Variants in NCKAP5 observed in about 807,000 individuals in gnomAD.
NCKAP5 encodes nck-associated protein 5.
Under a neutral mutation model 167.0 loss-of-function variants are expected in NCKAP5, and 92 were observed. The observed-to-expected ratio is 0.55, with a 90% CI of 0.47 to 0.66. The LOEUF is 0.66. Among genes scored for constraint, NCKAP5 ranks in the 30% least tolerant of loss-of-function variants. NCKAP5 has a pLI of 0.00. For missense variants in NCKAP5, 2,378 were observed against 2,315.0 expected (o/e 1.03, Z -0.56); for synonymous variants, 891 against 877.4 (o/e 1.02, Z -0.27).
At chr2:132,798,961 A>G (rs1208944103) in intron 11 of NCKAP5, among the ~76,000 whole-genome samples, 1 of 152,192 alleles carries the variant, frequency 6.6e-6, no homozygotes, top group Non-Finnish European at 1.5e-5. Flanking sequence ...ACACATGTTC[A>G]TTGCCAGGCT....
intron 3 of NCKAP5, among the ~76,000 whole-genome samples, chr2:133,495,782 T>TA (rs1388368786): frequency 6.6e-6 from 1 of 152,168 alleles, no homozygotes; most frequent in Non-Finnish European, 1.5e-5. Context: ...TGGGTAGAAT[T>TA]ACCAGCTGAA....
At chr2:133,135,008 C>T (rs1245323886) in intron 5 of NCKAP5, among the ~76,000 whole-genome samples, 1 of 150,084 alleles carries the variant, frequency 6.7e-6, no homozygotes, top group Non-Finnish European at 1.5e-5. Context: ...ATGTGCCAAA[C>T]ACTGAACTAG....
chr2:133,498,480 A>AAGGAAAGGC (rs1310524686), intron 3 of NCKAP5, among the ~76,000 whole-genome samples: 5 of 101,752 alleles, frequency 4.9e-5, no homozygotes, highest in African/African-American at 2.5e-4. Flanking sequence ...GGAAGGAAGG[A>AAGGAAAGGC]AGGCAGGCAG....
chr2:133,203,605 TA>T (rs2085806106), intron 5 of NCKAP5, among the ~76,000 whole-genome samples: 1 of 152,238 alleles, frequency 6.6e-6, no homozygotes, highest in South Asian at 2.1e-4. Context: ...CAAACCAGTA[TA>T]AAATCTCCAT....
intron 3 of NCKAP5, among the ~76,000 whole-genome samples, chr2:133,420,350 A>C (rs530714730): frequency 9.8e-5 from 15 of 152,366 alleles, no homozygotes; most frequent in African/African-American, 3.6e-4. Flanking sequence ...GAAAGAAACG[A>C]GTTGCAAGCC....
chr2:133,599,072 AG>A, the NCKAP5 span, among the ~76,000 whole-genome samples: 1 of 152,222 alleles, frequency 6.6e-6, no homozygotes. Context: ...ACTCTTTATA[AG>A]AACCAGTCAG....
intron 3 of NCKAP5, among the ~76,000 whole-genome samples, chr2:133,354,513 C>T (rs906599482): frequency 6.6e-6 from 1 of 152,088 alleles, no homozygotes; most frequent in Non-Finnish European, 1.5e-5. Context: ...TCAGGCTTGG[C>T]CTGGGGGATT....
intron 1 of NCKAP5, among the ~76,000 whole-genome samples, chr2:133,567,836 T>C (rs1035603554): frequency 2.0e-5 from 3 of 152,180 alleles, no homozygotes; most frequent in African/African-American, 7.2e-5. Flanking sequence ...CATGAAAAAG[T>C]AGCCTTCATA....
At position 133,053,508 on chromosome 2, in the gene NCKAP5, C is replaced by T. The variant is rs577037867; in HGVS notation, c.342-59269G>A. Among the ~76,000 whole-genome samples, 11 of 152,304 alleles carry T rather than the reference C, an allele frequency of 7.2e-5. No individual in the cohort carries two copies. In the East Asian group the frequency reaches 1.9e-3, roughly 27 times the overall value. On this transcript the variant is annotated intron_variant, in intron 6 of 19. Transcript: ENST00000409261. ...TGCTTCCTTCTGAAATATAGCTTGGCTAAAGAAATGCAATTTTAATTGTAT... is the reference window on the plus strand; with the variant it reads ...TGCTTCCTTCTGAAATATAGCTTGGTTAAAGAAATGCAATTTTAATTGTAT...
chr2:132,739,074 T>C (rs1399064863), intron 16 of NCKAP5, among the ~76,000 whole-genome samples: 1 of 152,216 alleles, frequency 6.6e-6, no homozygotes, highest in Non-Finnish European at 1.5e-5. Context: ...TCTTTATAAA[T>C]AGCTGCAAAG....
rs778049835 is a variant in NCKAP5, at chr2:132,785,460, G to A, written c.1351C>T (p.Pro451Ser). The A allele has an allele frequency of 1.9e-6, 3 of 1,613,636 alleles. No individual in the cohort carries two copies. Among genetic ancestry groups the A allele is most frequent in the African/African-American group, 2.7e-5 (2 of 75,018 alleles). The change falls in exon 14 of 20, where the codon CCC (proline) becomes TCC (serine). Residue 451 changes from proline (P) to serine (S), a missense_variant. Around this residue, in one of 3 missense-constraint regions of NCKAP5, gnomAD observed 1,049 missense variants for 1,023.4 expected, o/e 1.02. Transcript: ENST00000409261. ...CTCCCCAGGTCAGCTGTTTTGCAGG[G>A]GGGATACTCCTTGAGGCTGCTACTT... ...IKSSSLKEYP[P>S]CKTADLGSPC...
At chr2:133,352,628 G>C (rs746595646) in intron 3 of NCKAP5, among the ~76,000 whole-genome samples, 1 of 152,216 alleles carries the variant, frequency 6.6e-6, no homozygotes, top group Admixed American at 6.5e-5. Context: ...GAGTGGCTGA[G>C]TGTAGTGGAG....
the NCKAP5 span, among the ~76,000 whole-genome samples, chr2:133,595,639 A>C: frequency 6.6e-6 from 1 of 151,956 alleles, no homozygotes; most frequent in South Asian, 2.1e-4. Flanking sequence ...GGTTTCAAGC[A>C]GAAGGACTTG....
At chr2:132,989,157 C>A (rs2077381059) in intron 7 of NCKAP5, among the ~76,000 whole-genome samples, 1 of 152,164 alleles carries the variant, frequency 6.6e-6, no homozygotes. Context: ...AAGGGGGTAA[C>A]CCTTTGTTAG....
At chr2:133,620,909 T>C in the NCKAP5 span, among the ~76,000 whole-genome samples, 2 of 152,144 alleles carry the variant, frequency 1.3e-5, no homozygotes. Flanking sequence ...AAATCAAAAT[T>C]GTATCAAGTA....
intron 3 of NCKAP5, among the ~76,000 whole-genome samples, chr2:133,431,150 C>A (rs1443530758): frequency 6.6e-6 from 1 of 152,070 alleles, no homozygotes; most frequent in Non-Finnish European, 1.5e-5. Flanking sequence ...TTTCCAGTTC[C>A]AGACCATGTG....
chr2:133,226,859 C>T (rs1259226388), intron 4 of NCKAP5, among the ~76,000 whole-genome samples: 1 of 152,164 alleles, frequency 6.6e-6, no homozygotes, highest in Non-Finnish European at 1.5e-5. Flanking sequence ...TACTTTGTTA[C>T]AGCAGCTCTG....
intron 2 of NCKAP5, among the ~76,000 whole-genome samples, chr2:133,554,694 C>G (rs1687611766): frequency 6.6e-6 from 1 of 152,114 alleles, no homozygotes; most frequent in Admixed American, 6.5e-5. Flanking sequence ...GATATGTTGA[C>G]CCTACCGATA....
At chr2:133,284,683 A>T (rs1277187539) in intron 4 of NCKAP5, 1 of 152,194 alleles carries the variant, frequency 6.6e-6, no homozygotes, top group Non-Finnish European at 1.5e-5. Context: ...CTAACATTTT[A>T]TTCCCAAACA....
Sources: gnomAD v4.1 joint callset for allele counts (sites outside exome capture counted in the v4.1 genomes callset) on GRCh38, gnomAD v4.1.1 for gene constraint, gnomAD v4.1.1 regional missense constraint, MANE v1.5 for transcripts, NCBI Gene and HGNC (gene_info 2026-07-23, HGNC 2026-07-21) for gene names.